ZMIZ2: variants seen among roughly 807,000 people sequenced by gnomAD.
ZMIZ2 encodes zinc finger MIZ domain-containing protein 2.
A neutral mutation model predicts 93.9 loss-of-function variants in ZMIZ2; 26 were observed. The ratio of observed to expected loss-of-function variants is 0.28; its 90% CI spans 0.20 to 0.38. ZMIZ2 has a LOEUF of 0.38. Among genes scored for constraint, ZMIZ2 ranks in the 10% least tolerant of loss-of-function variants. ZMIZ2 has a pLI of 1.00. For synonymous variants in ZMIZ2, 485 were observed against 516.4 expected (o/e 0.94, Z 0.82); for missense variants, 1,023 against 1,235.0 (o/e 0.83, Z 2.57).
rs755591563 is a variant in ZMIZ2, at chr7:44,763,298, G to T, written c.1745G>T (p.Gly582Val). ...FSSGTIPGTP[G>V]PNGEDGVEQT... ...AGCGGCACCATCCCTGGCACCCCTG[G>T]GCCCAACGGAGAGGACGGGGTGGAG... The change falls in exon 13 of 19, where the codon GGG (glycine) becomes GTG (valine). Residue 582 changes from glycine to valine, a missense_variant. Coordinates refer to ENST00000309315, the MANE Select transcript of ZMIZ2 (RefSeq NM_031449.4). The surrounding 1 kb of genome is among the most constrained non-coding windows in gnomAD (Gnocchi z 5.6). The T allele has an allele frequency of 2.5e-6, 4 of 1,613,892 alleles. No homozygotes were observed. In the African/African-American group the frequency reaches 4.0e-5, roughly 16 times the overall value.
In ZMIZ2 at chr7:44,766,685, G is replaced by A; in HGVS notation, c.2655+22G>A. ...GGACGTGAGTACCAGGCCCCATGCGGGGGAGTGCGTGGGAGCCAGGGCTAG... is the reference window on the plus strand; with the variant it reads ...GGACGTGAGTACCAGGCCCCATGCGAGGGAGTGCGTGGGAGCCAGGGCTAG... On this transcript the variant is annotated intron_variant, in intron 18 of 18. Transcript: ENST00000309315. This position sits in a 1 kb window ranked among gnomAD's most constrained non-coding sequence, Gnocchi z 4.4. 1 of 1,610,008 alleles carries A rather than the reference G, an allele frequency of 6.2e-7. No homozygotes were observed. Among genetic ancestry groups the A allele is most frequent in the East Asian group, 2.2e-5 (1 of 44,786 alleles).
In ZMIZ2 at chr7:44,762,889, C is replaced by T; in HGVS notation, c.1605C>T (p.Leu535=). ...CTCCCGTTGTATTGCAGTCCCACCT[C>T]TTCGTGCTGCAGCTAGTGCACCGCC... The part of the protein sequence containing the change: ...ITVTACCCSH[L]FVLQLVHRPS... The change falls in exon 12 of 19, where the codon CTC becomes CTT. Residue 535 remains leucine, a synonymous_variant. Coordinates refer to ENST00000309315, the MANE Select transcript of ZMIZ2 (RefSeq NM_031449.4). 1 of 1,609,626 alleles carries T rather than the reference C, an allele frequency of 6.2e-7. No homozygotes were observed. The highest frequency in any genetic ancestry group is 1.1e-5 in the South Asian group (1 of 90,820).
At chr7:44,762,814 C>A in intron 11 of ZMIZ2, 67 bp from the exon 12 acceptor site, 10 of 1,415,756 alleles carry the variant, frequency 7.1e-6, no homozygotes, top group Non-Finnish European at 9.6e-6. Flanking sequence ...CCCCAGCACA[C>A]CCTTTACCTG....
At chr7:44,758,714 C>T (rs1455439690) in intron 6 of ZMIZ2, among the ~76,000 whole-genome samples, 1 of 151,828 alleles carries the variant, frequency 6.6e-6, no homozygotes, top group African/African-American at 2.4e-5. Flanking sequence ...AGTTGAAGAC[C>T]AGCCTGGCCA....
intron 5 of ZMIZ2, 83 bp from the exon 6 acceptor site, chr7:44,757,765 G>T: frequency 2.7e-6 from 4 of 1,481,854 alleles, no homozygotes; most frequent in East Asian, 4.7e-5. Flanking sequence ...GTGCCCACAT[G>T]GGTGGGTGGG....
At position 44,756,293 on chromosome 7, in the gene ZMIZ2, C is replaced by T. The variant is rs1790582329; in HGVS notation, c.44C>T (p.Pro15Leu). 6.2e-7 allele frequency: 1 copy of T among 1,614,052 alleles called. No homozygotes were observed. The highest frequency in any genetic ancestry group is 8.5e-7 in the Non-Finnish European group (1 of 1,180,016). ...NPMKPALPPA[P>L]HGDGSFAYES... ...ATGAAACCTGCCCTGCCCCCTGCGC[C>T]ACACGGGTGAGTGTGGGCTCCTCTG... Residue 15 changes from proline to leucine, a missense_variant, in exon 2 of 19, where the codon CCA becomes CTA. By Grantham distance (98) the Pro-to-Leu change is moderately conservative. Transcript: ENST00000309315.
In ZMIZ2 at chr7:44,769,499, A is replaced by C. The variant is rs1183703339; in HGVS notation, c.*1876A>C. On this transcript the variant is annotated 3_prime_UTR_variant, in exon 19 of 19. Transcript: ENST00000309315. ...TGAGGGAACAGAAGTGGAGGAAACA[A>C]AAGAAGCAGCAGCACGCACAGTCCT... 2 of 152,746 alleles carry C rather than the reference A, an allele frequency of 1.3e-5. No individual in the cohort carries two copies. The highest frequency in any genetic ancestry group is 2.4e-5 in the African/African-American group (1 of 41,472). The allele number at this position is 152,746 out of a possible 1,614,324, so 9.5% of individuals were successfully genotyped here. A position where few individuals can be genotyped will look rare whatever the true frequency, so the allele number is the denominator to read the frequency against.
rs1348122718 is a variant in ZMIZ2, at chr7:44,766,262, A to G, written c.2341A>G (p.Ile781Val). ...TGAGTTCACCCCGGGACCACCCCCC[A>G]TCTCCTACCAGTCTGACATTCCCAG... Reference protein sequence around the residue: ...LAEFTPGPPPISYQSDIPSSL... With the variant: ...LAEFTPGPPPVSYQSDIPSSL... The change falls in exon 17 of 19, where the codon ATC (isoleucine) becomes GTC (valine). Residue 781 changes from isoleucine (I) to valine (V), a missense_variant. Coordinates refer to ENST00000309315, the MANE Select transcript of ZMIZ2 (RefSeq NM_031449.4). The surrounding 1 kb of genome is among the most constrained non-coding windows in gnomAD (Gnocchi z 4.4). 1.8e-5 allele frequency: 25 copies of G among 1,359,062 alleles called. No individual in the cohort carries two copies. Among genetic ancestry groups the G allele is most frequent in the East Asian group, 4.5e-5 (1 of 22,048 alleles). 84.2% of individuals were successfully genotyped at this position (1,359,062 alleles called of 1,614,324 possible).
rs1402053054 is a variant in ZMIZ2, at chr7:44,760,233, G to A, written c.1071+5G>A. 2.2e-5 allele frequency: 35 copies of A among 1,610,716 alleles called. No individual in the cohort carries two copies. Among genetic ancestry groups the A allele is most frequent in the Non-Finnish European group, 2.9e-5 (34 of 1,178,306 alleles). On this transcript the variant is annotated splice_donor_5th_base_variant and intron_variant, in intron 8 of 18. Transcript: ENST00000309315. ...AGCCAACCTGGCCTGAGTGGGGTAG[G>A]GGGCCTGGCCGGGAGGATGGGCCGG...
Position 44,766,638 on chromosome 7 carries a change from G to A in ZMIZ2, c.2630G>A (p.Gly877Glu). 1 of 1,613,162 alleles carries A rather than the reference G, an allele frequency of 6.2e-7. No homozygotes were observed. The highest frequency in any genetic ancestry group is 8.5e-7 in the Non-Finnish European group (1 of 1,180,010). ...VMGPPSMSGA[G>E]EAPEPALDLL... ...GGGCCCCCCAGCATGTCTGGAGCCG[G>A]GGAGGCCCCAGAACCAGCTCTGGAC... is the stretch of plus-strand genomic sequence containing the variant. Residue 877 changes from glycine (G) to glutamate (E), a missense_variant, in exon 18 of 19, where the codon GGG becomes GAG. Coordinates refer to ENST00000309315, the MANE Select transcript of ZMIZ2 (RefSeq NM_031449.4). The surrounding 1 kb of genome is among the most constrained non-coding windows in gnomAD (Gnocchi z 4.4).
In ZMIZ2 at chr7:44,763,116, T is replaced by G; in HGVS notation, c.1702+130T>G. 1 of 1,434,454 alleles carries G rather than the reference T, an allele frequency of 7.0e-7. No individual in the cohort carries two copies. The highest frequency in any genetic ancestry group is 2.3e-5 in the East Asian group (1 of 43,596). 88.9% of individuals were successfully genotyped at this position (1,434,454 alleles called of 1,614,324 possible). A position where few individuals can be genotyped will look rare whatever the true frequency, so the allele number is the denominator to read the frequency against. On this transcript the variant is annotated intron_variant, in intron 12 of 18. Coordinates refer to ENST00000309315, the MANE Select transcript of ZMIZ2 (RefSeq NM_031449.4). The surrounding 1 kb of genome is among the most constrained non-coding windows in gnomAD (Gnocchi z 5.6). ...TCTCCTTGGACAGGTGGCTCTGCAG[T>G]AGGGGCAGTGGTTAGTTCCAGGTGG...
At chr7:44,755,684 G>T (rs1279585340) in intron 1 of ZMIZ2, among the ~76,000 whole-genome samples, 1 of 152,068 alleles carries the variant, frequency 6.6e-6, no homozygotes, top group South Asian at 2.1e-4. Flanking sequence ...CTCCAGAACC[G>T]CCTATGCCCC....
chr7:44,758,098 C>G lies in ZMIZ2; in HGVS notation c.803C>G (p.Thr268Ser). Residue 268 changes from threonine (T) to serine (S), a missense_variant, in exon 6 of 19, where the codon ACC becomes AGC. Physicochemically the swap from Thr to Ser is moderately conservative, Grantham distance 58 (BLOSUM62 1). This residue lies in a region of ZMIZ2 where 656 missense variants were observed against 777.1 expected (regional missense o/e 0.84). Transcript: ENST00000309315. ...QPLPRQGVKR[T>S]YSEVYPGQQY... ...CTGCCCCGACAGGGGGTCAAGAGAA[C>G]CTACTCTGAGGTGAGTGTCCAGGTC... 1.9e-6 allele frequency: 3 copies of G among 1,572,282 alleles called. No individual in the cohort carries two copies. Among genetic ancestry groups the G allele is most frequent in the South Asian group, 2.4e-5 (2 of 84,356 alleles).
chr7:44,759,597 C>A, intron 7 of ZMIZ2, 137 bp downstream of exon 7: 1 of 618,008 alleles, frequency 1.6e-6, no homozygotes, highest in Non-Finnish European at 2.3e-6. Flanking sequence ...CATGTGTGCT[C>A]ATGGACCACA....
At chr7:44,759,819 T>C (rs1790984896) in intron 7 of ZMIZ2, 1 of 447,382 alleles carries the variant, frequency 2.2e-6, no homozygotes, top group South Asian at 3.0e-5. Flanking sequence ...GAGAAATCCA[T>C]TGAGAGGACA....
chr7:44,764,472 G>C lies in ZMIZ2; in HGVS notation c.1914G>C (p.Arg638Ser). The C allele has an allele frequency of 6.2e-7, 1 of 1,614,206 alleles. No homozygotes were observed. Among genetic ancestry groups the C allele is most frequent in the Non-Finnish European group, 8.5e-7 (1 of 1,180,018 alleles). ...TCAACTGTGAGCGGGGGACTTGGAG[G>C]TGTCCTGTGTGCAAGTGAGTCTCAG... ...LQLNCERGTW[R>S]CPVCNKTALL... The change falls in exon 14 of 19, where the codon AGG (arginine) becomes AGC (serine). Residue 638 changes from arginine to serine, a missense_variant. This residue lies in a region of ZMIZ2 where 48 missense variants were observed against 99.1 expected (regional missense o/e 0.48). Transcript: ENST00000309315.
At position 44,757,847 on chromosome 7, in the gene ZMIZ2, G is replaced by C; in HGVS notation, c.553-1G>C. On this transcript the variant is annotated splice_acceptor_variant, in intron 5 of 18. Coordinates refer to ENST00000309315, the MANE Select transcript of ZMIZ2 (RefSeq NM_031449.4). LOFTEE classifies it high-confidence loss of function. The stretch of plus-strand genomic sequence containing the variant: ...ACCATTCTTCTTTTTTCTCTTCCTA[G>C]ATGGGGGCCGGACAGTCTTTTAACA... 1 of 1,551,714 alleles carries C rather than the reference G, an allele frequency of 6.4e-7. No homozygotes were observed.
rs533201107 is a variant in ZMIZ2 at position 44,760,680 on chromosome 7, G to C, written c.1240+87G>C. On this transcript the variant is annotated intron_variant, in intron 9 of 18. Transcript: ENST00000309315. ...CAGGACTCCAGAGAGTCCTGTAGGA[G>C]CTTGGGGGACAGGGGATGGCTGCCA... 7.2e-5 allele frequency: 109 copies of C among 1,507,942 alleles called. No homozygotes were observed. In the African/African-American group the frequency reaches 1.4e-3, roughly 19 times the overall value. The allele number at this position is 1,507,942 out of a possible 1,614,324, so 93.4% of individuals were successfully genotyped here.
chr7:44,757,311 G>T (rs952497457), intron 4 of ZMIZ2, 67 bp from the exon 5 acceptor site: 7 of 1,564,928 alleles, frequency 4.5e-6, no homozygotes, highest in African/African-American at 1.4e-5. Context: ...GCATGCCTCT[G>T]GGGTGAGCAC....
Sources: allele counts gnomAD v4.1 joint callset (sites outside exome capture counted in the v4.1 genomes callset), GRCh38; gene constraint gnomAD v4.1.1; regional missense constraint gnomAD v4.1.1; non-coding constraint Gnocchi (gnomAD v3.1); transcripts MANE v1.5; gene names NCBI Gene and HGNC (gene_info 2026-07-23, HGNC 2026-07-21).